DPF1: variants seen among roughly 807,000 people sequenced by gnomAD.
DPF1 encodes zinc finger protein neuro-d4.
Under a neutral mutation model 58.7 loss-of-function variants are expected in DPF1, and 14 were observed. The ratio of observed to expected loss-of-function variants is 0.24; its 90% confidence interval spans 0.16 to 0.37. The LOEUF (loss-of-function observed/expected upper bound fraction) is 0.37. Ranked by LOEUF, DPF1 falls within the 10% of genes least tolerant of loss-of-function variation. The pLI is 1.00. For missense variants in DPF1, 345 were observed against 529.9 expected (o/e 0.65, Z 3.43); for synonymous variants, 216 against 216.0 (o/e 1.00, Z 0.00).
chr19:38,218,992 C>T lies in DPF1; in HGVS notation c.365G>A (p.Cys122Tyr). 1.2e-6 allele frequency: 2 copies of T among 1,614,232 alleles called. No homozygotes were observed. The highest frequency in any genetic ancestry group is 1.7e-6 in the Non-Finnish European group (2 of 1,180,038). ...PEGPVLEALL[C>Y]AETGEKKIEL... ...AATCTTCTTCTCCCCCGTCTCTGCA[C>T]ACAGTAGAGCCTCGAGGACCGGCCC... The change falls in exon 4 of 12, where the codon TGT (cysteine) becomes TAT (tyrosine). Residue 122 changes from cysteine (C) to tyrosine (Y), a missense_variant. Physicochemically the swap from Cys to Tyr is radical, Grantham distance 194 (BLOSUM62 -2). Coordinates refer to ENST00000355526, the MANE Select transcript of DPF1 (RefSeq NM_001135155.3).
At chr19:38,217,402 G>GGGGGC in intron 7 of DPF1, 58 bp downstream of exon 7, 4 of 1,277,770 alleles carry the variant, frequency 3.1e-6, no homozygotes, top group Non-Finnish European at 3.1e-6. Flanking sequence ...CCCCCAGCTG[G>GGGGGC]GCTCCTCTTC....
At chr19:38,223,749 T>TAC in intron 1 of DPF1, 28 of 199,218 alleles carry the variant, frequency 1.4e-4, no homozygotes, top group African/African-American at 5.8e-4. Context: ...AAATAAGTGA[T>TAC]ACACACACAC....
intron 11 of DPF1, 35 bp from the exon 12 acceptor site, chr19:38,212,168 G>T: frequency 6.3e-7 from 1 of 1,596,568 alleles, no homozygotes; most frequent in Non-Finnish European, 8.5e-7. Flanking sequence ...TCAGGCCCGG[G>T]TCCGGGAGGG....
Position 38,224,222 on chromosome 19 carries a change from A to T in DPF1, c.-80T>A. On this transcript the variant is annotated 5_prime_UTR_variant, in exon 1 of 12. Coordinates refer to ENST00000355526, the MANE Select transcript of DPF1 (RefSeq NM_001135155.3). This position sits in a 1 kb window ranked among gnomAD's most constrained non-coding sequence, Gnocchi z 4.5. Reference sequence around the variant, plus strand: ...GGTCGGGCGGGCGCTGAGGCCGCCCATCCATTCATTCCCGGGGGGCGGGAG... The same window carrying T: ...GGTCGGGCGGGCGCTGAGGCCGCCCTTCCATTCATTCCCGGGGGGCGGGAG... 7.7e-7 allele frequency: 1 copy of T among 1,304,306 alleles called. No individual in the cohort carries two copies. Among genetic ancestry groups the T allele is most frequent in the Non-Finnish European group, 9.7e-7 (1 of 1,025,830 alleles). The allele number at this position is 1,304,306 out of a possible 1,614,324, so 80.8% of individuals were successfully genotyped here. A position where few individuals can be genotyped will look rare whatever the true frequency, so the allele number is the denominator to read the frequency against.
upstream of DPF1, among the ~76,000 whole-genome samples, chr19:38,225,921 A>G (rs938716914): frequency 1.3e-5 from 2 of 151,774 alleles, no homozygotes; most frequent in Non-Finnish European, 2.9e-5. Flanking sequence ...TGCTCAGTAG[A>G]TATTTGTTGA....
At position 38,222,371 on chromosome 19, in the gene DPF1, C is replaced by T; in HGVS notation, c.284G>A (p.Cys95Tyr). 1 of 1,590,212 alleles carries T rather than the reference C, an allele frequency of 6.3e-7. No individual in the cohort carries two copies. The highest frequency in any genetic ancestry group is 8.5e-7 in the Non-Finnish European group (1 of 1,173,746). The change falls in exon 3 of 12, where the codon TGC (cysteine) becomes TAC (tyrosine). Residue 95 changes from cysteine to tyrosine, a missense_variant. Physicochemically the swap from Cys to Tyr is radical, Grantham distance 194. Transcript: ENST00000355526. The surrounding 1 kb of genome is among the most constrained non-coding windows in gnomAD (Gnocchi z 4.9). ...GCTGCACCCACCGATCTTGTACTCG[C>T]AGGGCCTGAGTCTGGGGTCCTCCAG... ...NILEDPRLRP[C>Y]EYKIDCEAPL...
chr19:38,214,608 C>T (rs1973717626), intron 9 of DPF1, among the ~76,000 whole-genome samples: 1 of 152,146 alleles, frequency 6.6e-6, no homozygotes, highest in South Asian at 2.1e-4. Flanking sequence ...GTCCGTCACT[C>T]ACACCACACA....
At chr19:38,220,755 G>T (rs1399839445) in intron 3 of DPF1, among the ~76,000 whole-genome samples, 1 of 152,136 alleles carries the variant, frequency 6.6e-6, no homozygotes, top group Non-Finnish European at 1.5e-5. Flanking sequence ...CATACTCAGG[G>T]AGAATCACTC....
In DPF1 at chr19:38,222,477, G is replaced by A. The variant is rs371916910; in HGVS notation, c.191-13C>T. The A allele has an allele frequency of 3.1e-5, 49 of 1,581,462 alleles. No individual in the cohort carries two copies. In the African/African-American group the frequency reaches 5.6e-4, roughly 18 times the overall value. ...CCCGGGGCCAAACCTGGAGAGAGAG[G>A]GGGGTGAGAGGGCGGCGGCGGTGGG... On this transcript the variant is annotated splice_polypyrimidine_tract_variant and intron_variant, in intron 2 of 11. Transcript: ENST00000355526. This position sits in a 1 kb window ranked among gnomAD's most constrained non-coding sequence, Gnocchi z 4.9.
In DPF1 at chr19:38,211,945, C is replaced by T. The variant is rs1369938434; in HGVS notation, c.*118G>A. On this transcript the variant is annotated 3_prime_UTR_variant, in exon 12 of 12. Transcript: ENST00000355526. This position sits in a 1 kb window ranked among gnomAD's most constrained non-coding sequence, Gnocchi z 4.0. Reference sequence around the variant, plus strand: ...AGAGGGGAGGGGGTGGCCCAGCCCCCTCTCGGCTTCCCCCTCTCCCCCTCC... The same window carrying T: ...AGAGGGGAGGGGGTGGCCCAGCCCCTTCTCGGCTTCCCCCTCTCCCCCTCC... 3.3e-6 allele frequency: 4 copies of T among 1,217,656 alleles called. No homozygotes were observed. The highest frequency in any genetic ancestry group is 1.5e-5 in the African/African-American group (1 of 66,774). 75.4% of individuals were successfully genotyped at this position (1,217,656 alleles called of 1,614,324 possible). A position where few individuals can be genotyped will look rare whatever the true frequency, so the allele number is the denominator to read the frequency against.
chr19:38,220,973 G>T (rs1352312425), intron 3 of DPF1, among the ~76,000 whole-genome samples: 1 of 152,192 alleles, frequency 6.6e-6, no homozygotes, highest in Non-Finnish European at 1.5e-5. Flanking sequence ...TGATACGCCA[G>T]ACACCATCAG....
chr19:38,211,719 C>G lies in DPF1; in HGVS notation c.*344G>C. Reference sequence around the variant, plus strand: ...CTTTTCTTCTTTTTTTTTTTTTTAACTTTTTGTCTTTTTCTTTAGAAAAAG... The same window carrying G: ...CTTTTCTTCTTTTTTTTTTTTTTAAGTTTTTGTCTTTTTCTTTAGAAAAAG... On this transcript the variant is annotated 3_prime_UTR_variant, in exon 12 of 12. Coordinates refer to ENST00000355526, the MANE Select transcript of DPF1 (RefSeq NM_001135155.3). The surrounding 1 kb of genome is among the most constrained non-coding windows in gnomAD (Gnocchi z 4.0). 45 of 188,160 alleles carry G rather than the reference C, an allele frequency of 2.4e-4. No homozygotes were observed. Among genetic ancestry groups the G allele is most frequent in the East Asian group, 6.0e-4 (5 of 8,312 alleles). The allele number at this position is 188,160 out of a possible 1,614,324, so 11.7% of individuals were successfully genotyped here. A position where few individuals can be genotyped will look rare whatever the true frequency, so the allele number is the denominator to read the frequency against.
rs375242507 is a variant in DPF1, at chr19:38,224,159, T to G, written c.-17A>C. The stretch of plus-strand genomic sequence containing the variant: ...AGTGGCCATCTTGCTCCCCGGGTCC[T>G]GCCCCCAGCAGGTCCCCGCCGGGTC... On this transcript the variant is annotated 5_prime_UTR_variant, in exon 1 of 12. Coordinates refer to ENST00000355526, the MANE Select transcript of DPF1 (RefSeq NM_001135155.3). This position sits in a 1 kb window ranked among gnomAD's most constrained non-coding sequence, Gnocchi z 4.5. The G allele has an allele frequency of 1.8e-4, 262 of 1,454,118 alleles. No homozygotes were observed. The highest frequency in any genetic ancestry group is 2.2e-4 in the Non-Finnish European group (241 of 1,106,950). 90.1% of individuals were successfully genotyped at this position (1,454,118 alleles called of 1,614,324 possible).
intron 9 of DPF1, among the ~76,000 whole-genome samples, chr19:38,214,340 C>G (rs1376785135): frequency 6.6e-6 from 1 of 152,220 alleles, no homozygotes; most frequent in South Asian, 2.1e-4. Flanking sequence ...CACCCGCAGC[C>G]GCTACCTGCA....
Position 38,212,148 on chromosome 19 carries a change from G to T in DPF1, c.1094-15C>A. 6.2e-7 allele frequency: 1 copy of T among 1,606,754 alleles called. No homozygotes were observed. Among genetic ancestry groups the T allele is most frequent in the Non-Finnish European group, 8.5e-7 (1 of 1,177,818 alleles). On this transcript the variant is annotated splice_polypyrimidine_tract_variant and intron_variant, in intron 11 of 11. Transcript: ENST00000355526. ...GCTCCAGCTCCCTGCGGGGGCAGCC[G>T]AAGCTGAAGTCAGGCCCGGGTCCGG... is the stretch of plus-strand genomic sequence containing the variant.
At chr19:38,220,294 GAGAGAAAGAAAGAGAAAGAAAGAAAGAA>G (rs1378680284) in intron 3 of DPF1, among the ~76,000 whole-genome samples, 6 of 146,636 alleles carry the variant, frequency 4.1e-5, no homozygotes, top group African/African-American at 1.5e-4. Context: ...AAAAGAGAGA[GAGAGAAAGAAAGAGAAAGAAAGAAAGAA>G]AGAGAAAGAA....
At chr19:38,212,258 G>T in intron 11 of DPF1, 22 bp downstream of exon 11, 1 of 632,702 alleles carries the variant, frequency 1.6e-6, no homozygotes, top group Non-Finnish European at 2.6e-6. Flanking sequence ...CCGCCCCATG[G>T]GATGCCCACC....
intron 3 of DPF1, among the ~76,000 whole-genome samples, chr19:38,220,183 G>A (rs1367528399): frequency 2.2e-5 from 3 of 137,076 alleles, no homozygotes; most frequent in African/African-American, 5.5e-5. Flanking sequence ...AAAAAAGAAA[G>A]GAAGAAGGAA....
At chr19:38,223,891 G>T (rs770668673) in intron 1 of DPF1, 23 of 470,214 alleles carry the variant, frequency 4.9e-5, no homozygotes, top group Middle Eastern at 1.1e-3. Context: ...TCCCCAAAAA[G>T]AATCTGGAGG....
Sources: allele counts gnomAD v4.1 joint callset (sites outside exome capture counted in the v4.1 genomes callset), GRCh38; gene constraint gnomAD v4.1.1; non-coding constraint Gnocchi (gnomAD v3.1); transcripts MANE v1.5; gene names NCBI Gene and HGNC (gene_info 2026-07-23, HGNC 2026-07-21).